LRCH1: variants seen among roughly 807,000 people sequenced by gnomAD.
The protein encoded by LRCH1 is leucine rich repeats and calponin homology domain containing 1.
LRCH1 carries 23 observed loss-of-function variants against 94.9 expected under a neutral mutation model. The observed-to-expected ratio is 0.24, with a 90% confidence interval of 0.17 to 0.34. The LOEUF is 0.34. Ranked by LOEUF, LRCH1 falls within the 10% of genes least tolerant of loss-of-function variation. The probability of loss-of-function intolerance (pLI) is 1.00; values close to 1 mark genes in which losing one functional copy is unlikely to be tolerated. For missense variants in LRCH1, 790 were observed against 945.9 expected, an observed-to-expected ratio of 0.84 and a Z score of 2.16; for synonymous variants, 364 against 354.9, an observed-to-expected ratio of 1.03 and a Z score of -0.29.
At chr13:46,749,330 A>C (rs1038932914), downstream of LRCH1, among the ~76,000 whole-genome samples, 2 of 152,202 alleles carry the variant, frequency 1.3e-5, no homozygotes, top group South Asian at 4.1e-4. Flanking sequence ...GTGGAATCTA[A>C]AAACGTTGAA....
chr13:46,577,760 C>T (rs2050319975), intron 1 of LRCH1, among the ~76,000 whole-genome samples: 1 of 152,148 alleles, frequency 6.6e-6, no homozygotes, highest in Non-Finnish European at 1.5e-5. Flanking sequence ...AGACAAGAAA[C>T]AGCAAGAAAG....
At chr13:46,658,214 G>T (rs1440909290) in intron 2 of LRCH1, among the ~76,000 whole-genome samples, 2 of 152,090 alleles carry the variant, frequency 1.3e-5, no homozygotes, top group East Asian at 1.9e-4. Flanking sequence ...CTATAAATTT[G>T]TGCATTCTTT....
rs147800264 is a variant in LRCH1, at chr13:46,619,043, CTCTTT to C, written c.308-31141_308-31137del. ...TCAGACTAACTTCACATCTAAAGTT[CTCTTT>C]TCTTTTCTTTTCTTTTTTCCTTCCT... On this transcript the variant is annotated intron_variant, in intron 1 of 19. Coordinates refer to ENST00000389797, the MANE Select transcript of LRCH1 (RefSeq NM_001164211.2). Among the ~76,000 whole-genome samples the C allele has an allele frequency of 4.7e-3, 710 of 150,716 alleles. 9 individuals are homozygous for C. The highest frequency in any genetic ancestry group is 7.6e-3 in the South Asian group (36 of 4,730).
At chr13:46,710,199 C>G (rs1871986585) in intron 13 of LRCH1, among the ~76,000 whole-genome samples, 2 of 152,158 alleles carry the variant, frequency 1.3e-5, no homozygotes, top group African/African-American at 4.8e-5. Flanking sequence ...AGATGGTCTG[C>G]AGTCCTGAGC....
At chr13:46,704,342 T>A (rs1399143469) in intron 11 of LRCH1, among the ~76,000 whole-genome samples, 1 of 152,048 alleles carries the variant, frequency 6.6e-6, no homozygotes, top group Non-Finnish European at 1.5e-5. Context: ...AGCCATTGAT[T>A]GTGGGATTAA....
chr13:46,666,816 C>T (rs1158739290), intron 2 of LRCH1, among the ~76,000 whole-genome samples: 2 of 152,114 alleles, frequency 1.3e-5, no homozygotes. Context: ...GCCCTCACAG[C>T]AGGGTAACAG....
chr13:46,740,898 CAG>C, intron 19 of LRCH1, among the ~76,000 whole-genome samples: 1 of 152,194 alleles, frequency 6.6e-6, no homozygotes, highest in Non-Finnish European at 1.5e-5. Context: ...AGATAAAACA[CAG>C]AGGTCTACCC....
chr13:46,584,201 G>A (rs1306143190), intron 1 of LRCH1, among the ~76,000 whole-genome samples: 1 of 152,114 alleles, frequency 6.6e-6, no homozygotes, highest in Non-Finnish European at 1.5e-5. Flanking sequence ...TTAGTTCATG[G>A]TGGCTTTCTC....
chr13:46,572,632 GTGGAGTCATA>G (rs888850146), intron 1 of LRCH1, among the ~76,000 whole-genome samples: 15 of 152,056 alleles, frequency 9.9e-5, no homozygotes, highest in Admixed American at 8.5e-4. Context: ...TCCCTAACTC[GTGGAGTCATA>G]TGGAAGATAG....
Position 46,742,483 on chromosome 13 carries a change from C to A in LRCH1, c.*635C>A, listed in dbSNP as rs115224715. On this transcript the variant is annotated 3_prime_UTR_variant, in exon 20 of 20. Transcript: ENST00000389797. ...CGCGAAGGGCGCTGGGCAGTGTGGC[C>A]GCCAACTTCCACCCCGGCAAGCCCC... is the stretch of plus-strand genomic sequence containing the variant. 3.0e-6 allele frequency: 3 copies of A among 986,088 alleles called. No individual in the cohort carries two copies. Among genetic ancestry groups the A allele is most frequent in the Non-Finnish European group, 3.6e-6 (3 of 830,480 alleles). The allele number at this position is 986,088 out of a possible 1,614,324, so 61.1% of individuals were successfully genotyped here. A position where few individuals can be genotyped will look rare whatever the true frequency, so the allele number is the denominator to read the frequency against.
In LRCH1 at chr13:46,607,101, A is replaced by T. The variant is rs187482391; in HGVS notation, c.308-43100A>T. ...CTTTAGTTGTCAGTTCCTGGCCCTG[A>T]GAGATTTAGGGCAGGGGAAATGTGG... On this transcript the variant is annotated intron_variant, in intron 1 of 19. Coordinates refer to ENST00000389797, the MANE Select transcript of LRCH1 (RefSeq NM_001164211.2). Among the ~76,000 whole-genome samples, 6 of 152,178 alleles carry T rather than the reference A, an allele frequency of 3.9e-5. No individual in the cohort carries two copies. In the East Asian group the frequency reaches 1.2e-3, roughly 29 times the overall value.
chr13:46,739,495 C>T (rs1293910898), intron 19 of LRCH1, among the ~76,000 whole-genome samples: 2 of 152,096 alleles, frequency 1.3e-5, no homozygotes, highest in African/African-American at 4.8e-5. Context: ...CTCTACGTCC[C>T]TCTCAGTAAG....
chr13:46,739,523 A>G (rs990582426), intron 19 of LRCH1, among the ~76,000 whole-genome samples: 1 of 152,190 alleles, frequency 6.6e-6, no homozygotes, highest in Non-Finnish European at 1.5e-5. Flanking sequence ...TTTGGAAAGC[A>G]CAAAGGGCAG....
intron 5 of LRCH1, among the ~76,000 whole-genome samples, chr13:46,686,920 TTTTA>T (rs1322989571): frequency 6.6e-6 from 1 of 152,036 alleles, no homozygotes; most frequent in Non-Finnish European, 1.5e-5. Context: ...TTATTTATCA[TTTTA>T]TTTGAATTTG....
chr13:46,640,748 T>C (rs937738128), intron 1 of LRCH1, among the ~76,000 whole-genome samples: 6 of 152,178 alleles, frequency 3.9e-5, no homozygotes, highest in African/African-American at 1.4e-4. Context: ...CATTGCTATG[T>C]TAGAAGGTTA....
chr13:46,585,010 G>A (rs2050415004), intron 1 of LRCH1, among the ~76,000 whole-genome samples: 1 of 152,206 alleles, frequency 6.6e-6, no homozygotes, highest in Non-Finnish European at 1.5e-5. Context: ...TTCTCAACTT[G>A]CTTCACTACT....
intron 1 of LRCH1, among the ~76,000 whole-genome samples, chr13:46,632,371 A>C (rs2051029181): frequency 6.6e-6 from 1 of 152,186 alleles, no homozygotes; most frequent in African/African-American, 2.4e-5. Context: ...TGTCTGCCCC[A>C]TACATATGCC....
At chr13:46,692,760 G>A in intron 8 of LRCH1, 119 bp downstream of exon 8, 2 of 687,760 alleles carry the variant, frequency 2.9e-6, no homozygotes, top group South Asian at 3.9e-5. Context: ...TATGTACCAG[G>A]TACTGTGTTC....
At chr13:46,679,334 T>C (rs1314126284) in intron 3 of LRCH1, among the ~76,000 whole-genome samples, 1 of 152,224 alleles carries the variant, frequency 6.6e-6, no homozygotes, top group African/African-American at 2.4e-5. Context: ...GTAACTTAGT[T>C]AAGGCAAAGA....
Sources: gnomAD v4.1 joint callset for allele counts (sites outside exome capture counted in the v4.1 genomes callset) on GRCh38, gnomAD v4.1.1 for gene constraint, MANE v1.5 for transcripts, NCBI Gene and HGNC (gene_info 2026-07-23, HGNC 2026-07-21) for gene names.